The following DOP1B variants were observed in gnomAD, a reference collection of about 807,000 sequenced individuals.
The protein encoded by DOP1B is protein DOP1B.
A neutral mutation model predicts 233.5 loss-of-function variants in DOP1B; 174 were observed. The ratio of observed to expected loss-of-function variants is 0.75; its 90% CI spans 0.66 to 0.85. DOP1B has a LOEUF of 0.85. DOP1B is among the 40% of genes least tolerant of loss of function. DOP1B has a pLI of 0.00. For synonymous variants in DOP1B, 1,190 were observed against 1,185.6 expected, an observed-to-expected ratio of 1.00 and a Z score of -0.08; for missense variants, 2,652 against 2,846.6, an observed-to-expected ratio of 0.93 and a Z score of 1.56.
At chr21:36,214,260 C>T (rs1334979917) in intron 8 of DOP1B, 70 bp downstream of exon 8, 2 of 1,407,630 alleles carry the variant, frequency 1.4e-6, no homozygotes, top group African/African-American at 2.9e-5. Context: ...CTTTGGGAGG[C>T]TTCCACATAG....
chr21:36,289,252 G>T, intron 35 of DOP1B, 46 bp downstream of exon 35: 1 of 1,587,324 alleles, frequency 6.3e-7, no homozygotes. Context: ...AAGAGATTTT[G>T]TTTTTTCCTT....
At chr21:36,171,645 G>T (rs567872048) in intron 2 of DOP1B, among the ~76,000 whole-genome samples, 43 of 152,320 alleles carry the variant, frequency 2.8e-4, no homozygotes, top group African/African-American at 9.4e-4. Flanking sequence ...CAAACTCCTA[G>T]CAGCGGGGGG....
At chr21:36,223,099 A>AT (rs2066644869) in intron 10 of DOP1B, 132 bp from the exon 11 acceptor site, 1 of 859,560 alleles carries the variant, frequency 1.2e-6, no homozygotes, top group Admixed American at 3.4e-5. Flanking sequence ...TAATATTTTC[A>AT]TTTTTATCAG....
rs369344650 is a variant in DOP1B at position 36,237,343 on chromosome 21, C to G, written c.2704C>G (p.Leu902Val). Residue 902 changes from leucine (L) to valine (V), a missense_variant, in exon 16 of 37, where the codon CTG becomes GTG. By Grantham distance (32) the Leu-to-Val change is conservative. Transcript: ENST00000691173. ...HVTCVELFYR[L>V]HCLAPTANIC... is the part of the protein sequence containing the mutation. ...CACCTGCGTAGAATTGTTCTACCGG[C>G]TGCACTGCCTGGCCCCTACGGCCAA... 4.3e-6 allele frequency: 7 copies of G among 1,614,088 alleles called. No individual in the cohort carries two copies. The highest frequency in any genetic ancestry group is 5.9e-6 in the Non-Finnish European group (7 of 1,180,052).
rs1300496503 is a variant in DOP1B, at chr21:36,280,312, G to A, written c.5997G>A (p.Leu1999=). ...GGAAGTCCATTATTGACCATCTTTT[G>A]ACTCATGAGAAAACAATGTTTAAGG... ...VHWKSIIDHL[L]THEKTMFKDL... is the part of the protein sequence containing the mutation. The change falls in exon 31 of 37, where the codon TTG becomes TTA. Residue 1999 remains leucine (L), a synonymous_variant. Transcript: ENST00000691173. 6.2e-7 allele frequency: 1 copy of A among 1,608,950 alleles called. No homozygotes were observed. Among genetic ancestry groups the A allele is most frequent in the East Asian group, 2.2e-5 (1 of 44,632 alleles).
Position 36,260,735 on chromosome 21 carries a change from A to G in DOP1B, c.5315+3A>G. 2 of 1,613,990 alleles carry G rather than the reference A, an allele frequency of 1.2e-6. No individual in the cohort carries two copies. On this transcript the variant is annotated splice_donor_region_variant and intron_variant, in intron 24 of 36. Transcript: ENST00000691173. ...TTTTGCTATGCTTTTCTCCAAAGGT[A>G]ATACAGTCCCCCGTCCTCCAAAAAC...
chr21:36,238,718 T>TA lies in DOP1B; in HGVS notation c.2876+18dup. On this transcript the variant is annotated intron_variant, in intron 17 of 36. Transcript: ENST00000691173. The stretch of plus-strand genomic sequence containing the variant: ...CTTTGATAGGTGAGGCGGCCTTCGT[T>TA]ATGATCTACCGTTAACTCACGAGGA... 6.2e-7 allele frequency: 1 copy of TA among 1,613,084 alleles called. No homozygotes were observed. The highest frequency in any genetic ancestry group is 8.5e-7 in the Non-Finnish European group (1 of 1,179,052).
intron 31 of DOP1B, 129 bp from the exon 32 acceptor site, chr21:36,281,354 C>A: frequency 1.0e-6 from 1 of 958,952 alleles, no homozygotes; most frequent in Non-Finnish European, 1.5e-6. Flanking sequence ...ACAGTAATCT[C>A]ATGTCCTTAC....
intron 27 of DOP1B, among the ~76,000 whole-genome samples, chr21:36,271,768 G>T (rs1052792464): frequency 1.3e-5 from 2 of 151,990 alleles, no homozygotes; most frequent in East Asian, 1.9e-4. Context: ...TGGACATGGT[G>T]ATAGAAATCT....
rs1262592049 is a variant in DOP1B at position 36,246,580 on chromosome 21, C to T, written c.4600C>T (p.Leu1534=). 3 of 1,614,174 alleles carry T rather than the reference C, an allele frequency of 1.9e-6. No individual in the cohort carries two copies. Among genetic ancestry groups the T allele is most frequent in the Admixed American group, 1.7e-5 (1 of 60,024 alleles). The change falls in exon 19 of 37, where the codon CTG becomes TTG. Residue 1534 remains leucine, a synonymous_variant. Transcript: ENST00000691173. This position sits in a 1 kb window ranked among gnomAD's most constrained non-coding sequence, Gnocchi z 5.1. The part of the protein sequence containing the change: ...THSLPYFGKS[L]GWTVTPFVVQ... ...TTCCTTGCCCTACTTCGGAAAGTCC[C>T]TGGGCTGGACGGTGACACCCTTTGT... is the stretch of plus-strand genomic sequence containing the variant.
At chr21:36,180,429 G>A (rs139151833) in intron 2 of DOP1B, among the ~76,000 whole-genome samples, 2,925 of 151,462 alleles carry the variant, frequency 0.019, 85 homozygotes, top group African/African-American at 0.067. Context: ...AATTAGCTGG[G>A]TGTGGTGGCG....
chr21:36,214,844 G>A (rs2066541924), intron 9 of DOP1B, among the ~76,000 whole-genome samples: 2 of 152,066 alleles, frequency 1.3e-5, no homozygotes, highest in South Asian at 2.1e-4. Context: ...GGGTAATATG[G>A]CTGAAAAGCC....
chr21:36,281,834 C>G (rs1009342259), intron 32 of DOP1B, among the ~76,000 whole-genome samples: 6 of 152,122 alleles, frequency 3.9e-5, no homozygotes, highest in Non-Finnish European at 7.3e-5. Flanking sequence ...ATTACAGTAC[C>G]AATCCCATCC....
At position 36,185,224 on chromosome 21, in the gene DOP1B, G is replaced by A. The variant is rs779182244; in HGVS notation, c.139-13846G>A. 2.3e-4 allele frequency among the ~76,000 whole-genome samples: 35 copies of A among 152,104 alleles called. No individual in the cohort carries two copies. The South Asian group carries it at 2.5e-3, about 11-fold the overall frequency. On this transcript the variant is annotated intron_variant, in intron 2 of 36. Coordinates refer to ENST00000691173, the MANE Select transcript of DOP1B (RefSeq NM_001320714.2). ...ATGATTACTTTTATTTGATTTTCTG[G>A]TTTGTGATGATAAATGCATAAGAAT...
At chr21:36,183,872 T>C (rs2066131792) in intron 2 of DOP1B, among the ~76,000 whole-genome samples, 1 of 151,616 alleles carries the variant, frequency 6.6e-6, no homozygotes, top group African/African-American at 2.4e-5. Context: ...GTTTCTTTTT[T>C]TTTTTTTTTT....
At chr21:36,205,107 T>G (rs2066412829) in intron 4 of DOP1B, among the ~76,000 whole-genome samples, 1 of 152,330 alleles carries the variant, frequency 6.6e-6, no homozygotes, top group South Asian at 2.1e-4. Flanking sequence ...TTTCAGATGA[T>G]TGTACCAAAG....
Position 36,160,361 on chromosome 21 carries a change from G to A in DOP1B, c.-27+3418G>A, listed in dbSNP as rs567530037. ...GCAGTATATTTTTGCAGAGAGGCAC[G>A]CATATGCAGAGGCTCTGTGGCAGGA... is the stretch of plus-strand genomic sequence containing the variant. On this transcript the variant is annotated intron_variant, in intron 1 of 36. Transcript: ENST00000691173. Among the ~76,000 whole-genome samples, 8 of 152,126 alleles carry A rather than the reference G, an allele frequency of 5.3e-5. No individual in the cohort carries two copies. In the East Asian group the frequency reaches 5.8e-4, roughly 11 times the overall value.
chr21:36,242,981 C>CTTTTTTT (rs35476479), intron 18 of DOP1B, among the ~76,000 whole-genome samples: 2 of 127,190 alleles, frequency 1.6e-5, no homozygotes, highest in Non-Finnish European at 3.3e-5. Context: ...TTCTTCTTTT[C>CTTTTTTT]TTTTTTTTTT....
chr21:36,257,987 A>G (rs1193585747), intron 23 of DOP1B, among the ~76,000 whole-genome samples: 2 of 151,076 alleles, frequency 1.3e-5, no homozygotes, highest in Non-Finnish European at 2.9e-5. Flanking sequence ...GTAGGTAGGT[A>G]GGTAGATGTA....
Sources: gnomAD v4.1 joint callset for allele counts (sites outside exome capture counted in the v4.1 genomes callset) on GRCh38, gnomAD v4.1.1 for gene constraint, Gnocchi (gnomAD v3.1) non-coding constraint, MANE v1.5 for transcripts, NCBI Gene and HGNC (gene_info 2026-07-23, HGNC 2026-07-21) for gene names.